PLCXD1: variants seen among roughly 807,000 people sequenced by gnomAD.
PLCXD1 encodes the protein phosphatidylinositol specific phospholipase C X domain containing 1.
Under a neutral mutation model 37.8 loss-of-function variants are expected in PLCXD1, and 45 were observed. The observed-to-expected ratio is 1.19, with a 90% CI of 0.94 to 1.53. The LOEUF (loss-of-function observed/expected upper bound fraction) is 1.53. Ranked by LOEUF, PLCXD1 falls within the 40% of genes most tolerant of loss-of-function variation. The pLI is 0.00. For missense variants in PLCXD1, 539 were observed against 454.7 expected (o/e 1.19, Z -1.69); for synonymous variants, 246 against 206.9 (o/e 1.19, Z -1.62).
intron 6 of PLCXD1, among the ~76,000 whole-genome samples, chrX:294,886 A>G (rs1158530553): frequency 6.6e-6 from 1 of 151,896 alleles, no homozygotes; most frequent in Admixed American, 6.6e-5. Flanking sequence ...TGCAATTTAA[A>G]ATCGTGAATT....
rs1379514689 is a variant in PLCXD1, at chrX:299,088, C to G, written c.734-9C>G. The G allele has an allele frequency of 4.4e-6, 7 of 1,599,978 alleles. No individual in the cohort carries two copies. The South Asian group carries it at 6.6e-5, about 15-fold the overall frequency. On this transcript the variant is annotated splice_polypyrimidine_tract_variant and intron_variant, in intron 6 of 6. Coordinates refer to ENST00000381657, the MANE Select transcript of PLCXD1 (RefSeq NM_018390.4). ...ACCGTGTAACCTCTCCCCACCCTCA[C>G]CGTTGCAGGAGGGTTGTTCGTGGCC...
rs779846512 is a variant in PLCXD1 at position 303,157 on chromosome X, C to G, written c.*3822C>G. The G allele has an allele frequency of 1.4e-4, 21 of 152,286 alleles. No homozygotes were observed. The highest frequency in any genetic ancestry group is 5.1e-4 in the African/African-American group (21 of 41,568). The allele number at this position is 152,286 out of a possible 1,614,324, so 9.4% of individuals were successfully genotyped here. A position where few individuals can be genotyped will look rare whatever the true frequency, so the allele number is the denominator to read the frequency against. ...GGTGCCCCGCATCCAGAAAGACGCA[C>G]TCCTGGACCACAACCGGCGGCTACC... On this transcript the variant is annotated 3_prime_UTR_variant, in exon 7 of 7. Transcript: ENST00000381657.
At chrX:285,674 C>G (rs1015191709) in intron 2 of PLCXD1, among the ~76,000 whole-genome samples, 6 of 152,020 alleles carry the variant, frequency 3.9e-5, no homozygotes, top group African/African-American at 1.5e-4. Context: ...GACACACGTC[C>G]ATGCACACAG....
chrX:290,287 G>A (rs769071690), intron 3 of PLCXD1, among the ~76,000 whole-genome samples: 4 of 152,264 alleles, frequency 2.6e-5, no homozygotes, highest in East Asian at 3.9e-4. Flanking sequence ...AAAATTAGCT[G>A]GGCGCGGTGG....
intron 2 of PLCXD1, among the ~76,000 whole-genome samples, chrX:287,438 T>G (rs1229629788): frequency 2.2e-5 from 3 of 137,662 alleles, no homozygotes; most frequent in Admixed American, 1.5e-4. Flanking sequence ...TATAGATATA[T>G]ATACACTATA....
chrX:279,159 C>T (rs759021505), upstream of PLCXD1, among the ~76,000 whole-genome samples: 12 of 152,276 alleles, frequency 7.9e-5, no homozygotes, highest in East Asian at 1.9e-3. Context: ...AGAGGACGAA[C>T]GGCACAAAGT....
upstream of PLCXD1, among the ~76,000 whole-genome samples, chrX:277,954 G>A (rs866917549): frequency 3.9e-4 from 32 of 82,852 alleles, no homozygotes; most frequent in African/African-American, 1.7e-3. Flanking sequence ...GTGGGGACAG[G>A]TGTGGGGATA....
Position 293,087 on chromosome X carries a change from C to A in PLCXD1, c.602C>A (p.Ser201Tyr), listed in dbSNP as rs780032436. The A allele has an allele frequency of 1.2e-6, 2 of 1,611,478 alleles. No individual in the cohort carries two copies. Among genetic ancestry groups the A allele is most frequent in the African/African-American group, 1.3e-5 (1 of 74,974 alleles). The change falls in exon 6 of 7, where the codon TCC becomes TAC. Residue 201 changes from serine (S) to tyrosine (Y), a missense_variant. Transcript: ENST00000381657. The part of the protein sequence containing the change: ...LWSRGQQVIV[S>Y]YEDESSLRRH... ...TCCCGGGGCCAACAGGTCATCGTCT[C>A]CTATGAAGACGAGAGCTCCTTGCGC... is the stretch of plus-strand genomic sequence containing the variant.
chrX:301,436 AC>A lies in PLCXD1; in HGVS notation c.*2104del, dbSNP rs2070012543. The A allele has an allele frequency of 2.2e-5, 3 of 133,628 alleles. No individual in the cohort carries two copies. Among genetic ancestry groups the A allele is most frequent in the South Asian group, 5.7e-4 (2 of 3,516 alleles). The allele number at this position is 133,628 out of a possible 1,614,324, so 8.3% of individuals were successfully genotyped here. A position where few individuals can be genotyped will look rare whatever the true frequency, so the allele number is the denominator to read the frequency against. On this transcript the variant is annotated 3_prime_UTR_variant, in exon 7 of 7. Transcript: ENST00000381657. ...CAGGACCTCAGGTGTCAGCCACCAC[AC>A]CCACAGCTAATTTTTTTTGTAGAGA... is the stretch of plus-strand genomic sequence containing the variant.
At chrX:292,987 C>A (rs1289932943) in intron 5 of PLCXD1, 48 bp from the exon 6 acceptor site, 1 of 1,376,594 alleles carries the variant, frequency 7.3e-7, no homozygotes, top group East Asian at 2.4e-5. Context: ...CCCAGGTGCC[C>A]CCGGCTCTCC....
chrX:290,434 A>C (rs2069593405), intron 3 of PLCXD1, among the ~76,000 whole-genome samples: 1 of 151,024 alleles, frequency 6.6e-6, no homozygotes, highest in South Asian at 2.1e-4. Flanking sequence ...CGTCTCAAAA[A>C]AAAAAAAAAA....
At chrX:295,691 A>ATTT (rs1212485875) in intron 6 of PLCXD1, among the ~76,000 whole-genome samples, 3 of 149,760 alleles carry the variant, frequency 2.0e-5, no homozygotes, top group African/African-American at 7.4e-5. Flanking sequence ...CACCCGGCTA[A>ATTT]TTTTTTTTTG....
intron 6 of PLCXD1, among the ~76,000 whole-genome samples, chrX:293,626 A>G (rs2069709427): frequency 6.6e-6 from 1 of 152,198 alleles, no homozygotes; most frequent in South Asian, 2.1e-4. Context: ...AAAGCAGTCC[A>G]TGTACATTGG....
intron 6 of PLCXD1, among the ~76,000 whole-genome samples, chrX:294,355 G>A (rs1187728919): frequency 5.3e-5 from 8 of 152,168 alleles, no homozygotes; most frequent in East Asian, 3.9e-4. Flanking sequence ...GGTGGCGGGC[G>A]CCTGTAATCC....
chrX:278,956 C>CTT (rs1569564318), upstream of PLCXD1, among the ~76,000 whole-genome samples: 3 of 152,018 alleles, frequency 2.0e-5, no homozygotes, highest in African/African-American at 7.2e-5. Context: ...TTTGTGTGAG[C>CTT]GATAAAGCGG....
chrX:291,739 G>A (rs1310025259), intron 5 of PLCXD1, 85 bp downstream of exon 5: 3 of 1,415,078 alleles, frequency 2.1e-6, no homozygotes, highest in South Asian at 1.2e-5. Flanking sequence ...CCCTGGGTGT[G>A]GGTGCTGCCA....
intron 5 of PLCXD1, among the ~76,000 whole-genome samples, 183 bp downstream of exon 5, chrX:291,837 C>T (rs932905488): frequency 1.3e-5 from 2 of 152,108 alleles, no homozygotes; most frequent in African/African-American, 4.8e-5. Context: ...TGGGGTGGCT[C>T]CTGGTGAGAT....
chrX:295,408 A>G (rs1389201931), intron 6 of PLCXD1, among the ~76,000 whole-genome samples: 1 of 151,968 alleles, frequency 6.6e-6, no homozygotes, highest in African/African-American at 2.4e-5. Flanking sequence ...CACGGCCGCG[A>G]GGGCTGCTTC....
intron 2 of PLCXD1, among the ~76,000 whole-genome samples, chrX:287,700 CTA>C (rs1023762534): frequency 7.1e-6 from 1 of 141,552 alleles, no homozygotes; most frequent in Non-Finnish European, 1.5e-5. Flanking sequence ...GATATAGATA[CTA>C]TATATGTTTA....
Sources: allele counts gnomAD v4.1 joint callset (sites outside exome capture counted in the v4.1 genomes callset), GRCh38; gene constraint gnomAD v4.1.1; transcripts MANE v1.5; gene names NCBI Gene and HGNC (gene_info 2026-07-23, HGNC 2026-07-21).